Variants in SPTBN1 observed in about 807,000 individuals in gnomAD.
The protein encoded by SPTBN1 is spectrin beta chain, non-erythrocytic 1.
SPTBN1 carries 32 observed loss-of-function variants against 266.4 expected under a neutral mutation model. That is an observed-to-expected ratio of 0.12 (90% CI 0.09 to 0.16). The LOEUF is 0.16. Ranked by LOEUF, SPTBN1 falls within the 10% of genes least tolerant of loss-of-function variation. SPTBN1 has a pLI of 1.00. For missense variants in SPTBN1, 2,296 were observed against 3,067.1 expected (o/e 0.75, Z 5.94); for synonymous variants, 1,336 against 1,162.2 (o/e 1.15, Z -3.04).
intron 1 of SPTBN1, among the ~76,000 whole-genome samples, chr2:54,522,147 C>T (rs1001419263): frequency 1.2e-4 from 19 of 152,072 alleles, no homozygotes; most frequent in African/African-American, 4.6e-4. Context: ...AGTGATCTGC[C>T]TCCCTTGGCC....
intron 1 of SPTBN1, among the ~76,000 whole-genome samples, chr2:54,490,583 A>G (rs1668635082): frequency 6.6e-6 from 1 of 152,212 alleles, no homozygotes; most frequent in Non-Finnish European, 1.5e-5. Flanking sequence ...TATCTTATTA[A>G]TCTGCTGTTC....
chr2:54,572,425 G>T (rs754863551), intron 2 of SPTBN1, among the ~76,000 whole-genome samples: 2 of 152,074 alleles, frequency 1.3e-5, no homozygotes, highest in Non-Finnish European at 2.9e-5. Flanking sequence ...TTCTAACCGC[G>T]AGTGTCTTTG....
At chr2:54,487,861 G>T (rs1668491424) in intron 1 of SPTBN1, among the ~76,000 whole-genome samples, 1 of 24,164 alleles carries the variant, frequency 4.1e-5, no homozygotes, top group African/African-American at 1.1e-4. Flanking sequence ...ACGGAGTCTT[G>T]CTCTGTCACC....
chr2:54,460,960 C>G (rs561611360), intron 1 of SPTBN1, among the ~76,000 whole-genome samples: 3 of 152,144 alleles, frequency 2.0e-5, no homozygotes, highest in Non-Finnish European at 4.4e-5. Context: ...CGAGATCGCG[C>G]CACTGCATTC....
intron 1 of SPTBN1, among the ~76,000 whole-genome samples, chr2:54,486,169 G>A (rs79445655): frequency 0.59 from 85,899 of 144,914 alleles, 25,776 homozygotes; most frequent in African/African-American, 0.76. Context: ...GGCCGCCCCT[G>A]CTGGGAAGTG....
chr2:54,630,659 T>G (rs1678668835), intron 15 of SPTBN1, among the ~76,000 whole-genome samples, 196 bp from the exon 16 acceptor site: 1 of 152,236 alleles, frequency 6.6e-6, no homozygotes, highest in Non-Finnish European at 1.5e-5. Context: ...TTTTCCAGAT[T>G]ACATTGCATC....
chr2:54,618,228 G>A (rs1176004583), intron 7 of SPTBN1, 35 bp downstream of exon 7: 1 of 1,531,826 alleles, frequency 6.5e-7, no homozygotes, highest in Non-Finnish European at 9.0e-7. Context: ...GGGATTTTTA[G>A]CATCTGTACC....
At chr2:54,486,654 C>G (rs1335972162) in intron 1 of SPTBN1, among the ~76,000 whole-genome samples, 3 of 151,794 alleles carry the variant, frequency 2.0e-5, no homozygotes, top group Non-Finnish European at 4.4e-5. Flanking sequence ...CTGACCTTCC[C>G]TCCACTATTG....
intron 17 of SPTBN1, 60 bp downstream of exon 17, chr2:54,632,828 T>G: frequency 2.5e-6 from 4 of 1,572,934 alleles, no homozygotes; most frequent in Non-Finnish European, 3.5e-6. Context: ...AACTTCTGAA[T>G]CATTGGCCAG....
At chr2:54,647,334 CA>C (rs1441435421) in intron 24 of SPTBN1, 73 bp downstream of exon 24, 20 of 1,562,478 alleles carry the variant, frequency 1.3e-5, no homozygotes, top group Non-Finnish European at 1.6e-5. Context: ...TAACCCCCAC[CA>C]AAAGAAAATG....
chr2:54,521,029 A>G (rs1670405268), intron 1 of SPTBN1, among the ~76,000 whole-genome samples: 1 of 152,238 alleles, frequency 6.6e-6, no homozygotes, highest in Non-Finnish European at 1.5e-5. Flanking sequence ...TAAGAAGTAC[A>G]GATGACTTCA....
chr2:54,668,324 C>G (rs371618826), intron 35 of SPTBN1, 27 bp from the exon 36 acceptor site: 4 of 1,610,558 alleles, frequency 2.5e-6, no homozygotes, highest in Non-Finnish European at 2.5e-6. Context: ...TTAGTTGAGT[C>G]TCACCTGTGT....
At chr2:54,457,258 T>A (rs527961951) in intron 1 of SPTBN1, 1 of 143,406 alleles carries the variant, frequency 7.0e-6, no homozygotes, top group African/African-American at 2.6e-5. Context: ...CCTGCCACCC[T>A]CTCTTCAACA....
intron 2 of SPTBN1, among the ~76,000 whole-genome samples, chr2:54,543,155 C>T (rs1184605431): frequency 6.6e-6 from 1 of 152,148 alleles, no homozygotes; most frequent in African/African-American, 2.4e-5. Context: ...GGCCTGGAGT[C>T]CCACATGAGG....
Position 54,629,417 on chromosome 2 carries a change from G to A in SPTBN1, c.2283G>A (p.Leu761=). The A allele has an allele frequency of 1.2e-6, 2 of 1,614,146 alleles. No individual in the cohort carries two copies. The change falls in exon 14 of 36, where the codon CTG becomes CTA. Residue 761 remains leucine, a synonymous_variant. Transcript: ENST00000356805. ...ADADDIDAWM[L]DILKIVSSSD... ...CTGATGACATTGATGCCTGGATGCT[G>A]GACATCCTCAAGATTGTCTCCAGCA...
chr2:54,629,705 G>A lies in SPTBN1; in HGVS notation c.2571G>A (p.Glu857=). 6.2e-7 allele frequency: 1 copy of A among 1,613,582 alleles called. No individual in the cohort carries two copies. The highest frequency in any genetic ancestry group is 8.5e-7 in the Non-Finnish European group (1 of 1,180,038). The change falls in exon 14 of 36, where the codon GAG becomes GAA. Residue 857 remains glutamate (E), a synonymous_variant. Coordinates refer to ENST00000356805, the MANE Select transcript of SPTBN1 (RefSeq NM_003128.3). ...TGGCCCTGTACAAGATGTTCAGCGA[G>A]GCTGATGCCTGTGAGCTCTGGATCG... ...DTLALYKMFS[E]ADACELWIDE... is the part of the protein sequence containing the mutation.
intron 2 of SPTBN1, among the ~76,000 whole-genome samples, chr2:54,575,604 A>C (rs1674406541): frequency 6.6e-6 from 1 of 152,280 alleles, no homozygotes; most frequent in Non-Finnish European, 1.5e-5. Flanking sequence ...GAGCGTTGAC[A>C]TATCAGGATT....
chr2:54,468,468 C>T (rs562377260), intron 1 of SPTBN1, among the ~76,000 whole-genome samples: 1 of 152,014 alleles, frequency 6.6e-6, no homozygotes, highest in African/African-American at 2.4e-5. Context: ...CAATCTTAAA[C>T]TGAAGATGTA....
At chr2:54,610,659 A>G (rs1342618728) in intron 3 of SPTBN1, among the ~76,000 whole-genome samples, 1 of 152,162 alleles carries the variant, frequency 6.6e-6, no homozygotes, top group East Asian at 1.9e-4. Context: ...TGGCTTCACA[A>G]ATTTCCTTTT....
Sources: allele counts gnomAD v4.1 joint callset (sites outside exome capture counted in the v4.1 genomes callset), GRCh38; gene constraint gnomAD v4.1.1; transcripts MANE v1.5; gene names NCBI Gene and HGNC (gene_info 2026-07-23, HGNC 2026-07-21).